The following SPON1 variants were observed in gnomAD, a reference collection of about 807,000 sequenced individuals.
SPON1 encodes the protein spondin-1.
Under a neutral mutation model 111.7 loss-of-function variants are expected in SPON1, and 52 were observed. That is an observed-to-expected ratio of 0.47 (90% CI 0.37 to 0.59). The LOEUF (loss-of-function observed/expected upper bound fraction) is 0.59, where lower values mean the gene tolerates loss of function less well. Ranked by LOEUF, SPON1 falls within the 20% of genes least tolerant of loss-of-function variation. SPON1 has a pLI of 0.00. For synonymous variants in SPON1, 410 were observed against 395.8 expected (o/e 1.04, Z -0.43); for missense variants, 957 against 1,068.5 (o/e 0.90, Z 1.46).
At chr11:14,014,030 A>T (rs1554914016) in intron 2 of SPON1, among the ~76,000 whole-genome samples, 1 of 152,152 alleles carries the variant, frequency 6.6e-6, no homozygotes, top group Non-Finnish European at 1.5e-5. Context: ...GAAGCTTCTG[A>T]CTGTCATCAA....
chr11:14,110,798 C>T (rs531887761), intron 5 of SPON1, among the ~76,000 whole-genome samples: 1 of 152,340 alleles, frequency 6.6e-6, no homozygotes, highest in Admixed American at 6.5e-5. Flanking sequence ...CCTCTGGCAA[C>T]ACCCTCACAG....
intron 6 of SPON1, among the ~76,000 whole-genome samples, chr11:14,165,256 T>TC (rs35355725): frequency 0.19 from 29,484 of 152,012 alleles, 2,927 homozygotes; most frequent in Admixed American, 0.25. Context: ...ACTGTCTCAA[T>TC]ATGATTTTGC....
At chr11:14,209,473 C>T (rs1848551708) in intron 6 of SPON1, among the ~76,000 whole-genome samples, 1 of 152,088 alleles carries the variant, frequency 6.6e-6, no homozygotes, top group African/African-American at 2.4e-5. Context: ...CATGTGTTCT[C>T]ATTGTTCAAT....
Position 14,161,183 on chromosome 11 carries a change from TTATATATCTATATATATTTATATATTTA to T in SPON1, c.825+25649_825+25676del, listed in dbSNP as rs1564920068. Among the ~76,000 whole-genome samples the T allele has an allele frequency of 1.4e-3, 22 of 15,518 alleles. 3 individuals carry two copies. In the East Asian group the frequency reaches 0.034, roughly 24 times the overall value. 10.2% of individuals were successfully genotyped at this position (15,518 alleles called of 152,430 possible). A position where few individuals can be genotyped will look rare whatever the true frequency, so the allele number is the denominator to read the frequency against. On this transcript the variant is annotated intron_variant, in intron 6 of 15. Transcript: ENST00000576479. ...TATATATATCTATATATCTATATAT[TTATATATCTATATATATTTATATATTTA>T]TATATATCTATATATATTTATATAT...
chr11:14,102,994 G>C (rs1849155745), intron 5 of SPON1, among the ~76,000 whole-genome samples: 5 of 152,100 alleles, frequency 3.3e-5, no homozygotes, highest in Admixed American at 3.3e-4. Flanking sequence ...TGTACTGCTT[G>C]GGATTTAGTT....
At chr11:14,196,490 A>G (rs548512852) in intron 6 of SPON1, among the ~76,000 whole-genome samples, 122 of 152,296 alleles carry the variant, frequency 8.0e-4, no homozygotes, top group African/African-American at 2.8e-3. Context: ...ATCCCAATAA[A>G]GCTGCTATTT....
intron 3 of SPON1, among the ~76,000 whole-genome samples, chr11:14,058,640 A>T (rs561090570): frequency 6.6e-6 from 1 of 152,300 alleles, no homozygotes; most frequent in South Asian, 2.1e-4. Flanking sequence ...TGGGTGCTCA[A>T]TGAATGTTCC....
chr11:14,112,109 G>GAAA (rs782414747), intron 5 of SPON1, among the ~76,000 whole-genome samples: 1 of 131,702 alleles, frequency 7.6e-6, no homozygotes, highest in Admixed American at 7.8e-5. Flanking sequence ...ATTTGCAGGG[G>GAAA]AAAAAAAAAA....
chr11:14,203,130 T>G (rs1166442083), intron 6 of SPON1, among the ~76,000 whole-genome samples: 1 of 152,172 alleles, frequency 6.6e-6, no homozygotes, highest in African/African-American at 2.4e-5. Context: ...AGAATGTATT[T>G]CAAAATCAAA....
chr11:14,093,012 C>T (rs1554923558), intron 5 of SPON1, among the ~76,000 whole-genome samples: 1 of 152,180 alleles, frequency 6.6e-6, no homozygotes, highest in Admixed American at 6.5e-5. Flanking sequence ...CCCTGCTGTA[C>T]TAACATGAAC....
chr11:14,044,651 T>C (rs1848655168), intron 3 of SPON1, among the ~76,000 whole-genome samples: 1 of 152,154 alleles, frequency 6.6e-6, no homozygotes, highest in African/African-American at 2.4e-5. Context: ...AGCATCTCTC[T>C]CAATTCCAGT....
At chr11:14,019,042 A>G (rs1307503989) in intron 2 of SPON1, among the ~76,000 whole-genome samples, 2 of 152,196 alleles carry the variant, frequency 1.3e-5, no homozygotes, top group Non-Finnish European at 2.9e-5. Context: ...GAGAGTCCCA[A>G]GTTTCTGCCT....
At position 14,265,686 on chromosome 11, in the gene SPON1, A is replaced by G; in HGVS notation, c.2423A>G (p.Ter808TrpextTer11). ...AGAGCATGCAATGTTCATCCTTGTT[A>G]GCAAGGGTACGAGTTCCCCAGGGCT... ...EIRACNVHPC[*>W] The change falls in exon 16 of 16, where the codon TAG (stop) becomes TGG (tryptophan). Residue 808 changes from the stop codon to tryptophan (W), a stop_lost. Transcript: ENST00000576479. The G allele has an allele frequency of 6.2e-7, 1 of 1,613,242 alleles. No homozygotes were observed.
intron 7 of SPON1, among the ~76,000 whole-genome samples, chr11:14,253,141 G>A (rs556121812): frequency 9.8e-5 from 15 of 152,302 alleles, no homozygotes; most frequent in East Asian, 3.9e-4. Flanking sequence ...GTCAATCGAC[G>A]GATGCCAAAG....
At chr11:14,026,674 A>G (rs1848521218) in intron 2 of SPON1, among the ~76,000 whole-genome samples, 1 of 152,242 alleles carries the variant, frequency 6.6e-6, no homozygotes, top group Non-Finnish European at 1.5e-5. Context: ...TAAGGAAAGG[A>G]TAACAGGGAG....
chr11:14,158,992 C>CTG (rs34345902), intron 6 of SPON1, among the ~76,000 whole-genome samples: 8 of 151,746 alleles, frequency 5.3e-5, no homozygotes, highest in African/African-American at 1.9e-4. Context: ...ATATCTCTTA[C>CTG]TTTGTTTCTA....
chr11:14,213,629 T>C (rs1223138517), intron 6 of SPON1, among the ~76,000 whole-genome samples: 6 of 152,190 alleles, frequency 3.9e-5, no homozygotes, highest in African/African-American at 1.2e-4. Flanking sequence ...CTATATGCTA[T>C]TAAGTAAGAA....
chr11:14,004,984 ATTT>A (rs1161074348), intron 2 of SPON1, among the ~76,000 whole-genome samples: 2 of 151,938 alleles, frequency 1.3e-5, no homozygotes, highest in Admixed American at 1.3e-4. Flanking sequence ...TTTAAAAAAA[ATTT>A]TTTTAGAGAT....
At chr11:14,011,870 T>C (rs540049196) in intron 2 of SPON1, among the ~76,000 whole-genome samples, 1 of 152,298 alleles carries the variant, frequency 6.6e-6, no homozygotes, top group Non-Finnish European at 1.5e-5. Context: ...ATACAACATC[T>C]CAGATTTGAT....
Sources: allele counts gnomAD v4.1 joint callset (sites outside exome capture counted in the v4.1 genomes callset), GRCh38; gene constraint gnomAD v4.1.1; transcripts MANE v1.5; gene names NCBI Gene and HGNC (gene_info 2026-07-23, HGNC 2026-07-21).